The following DMGDH variants were observed in gnomAD, a reference collection of about 807,000 sequenced individuals.
The protein encoded by DMGDH is dimethylglycine dehydrogenase, mitochondrial.
In DMGDH, 76 loss-of-function variants were observed where a neutral mutation model predicts 95.2. The observed-to-expected ratio is 0.80, with a 90% CI of 0.66 to 0.97. The LOEUF is 0.97. DMGDH is among the 50% of genes least tolerant of loss of function. The pLI, the probability that DMGDH is intolerant of heterozygous loss-of-function variation, is 0.00. For synonymous variants in DMGDH, 345 were observed against 377.6 expected (o/e 0.91, Z 1.00); for missense variants, 987 against 1,055.0 (o/e 0.94, Z 0.89).
At chr5:79,020,914 G>A in intron 14 of DMGDH, 1 of 985,380 alleles carries the variant, frequency 1.0e-6, no homozygotes, top group Non-Finnish European at 1.2e-6. Flanking sequence ...TTTCCACCAT[G>A]AAAATTCCAG....
chr5:79,006,215 CAAAA>C (rs56141633), intron 14 of DMGDH, among the ~76,000 whole-genome samples: 2 of 127,792 alleles, frequency 1.6e-5, no homozygotes, highest in Non-Finnish European at 3.2e-5. Flanking sequence ...TTATGTGTTA[CAAAA>C]AAAAAAAAAA....
chr5:79,033,326 C>G lies in DMGDH; in HGVS notation c.1276G>C (p.Glu426Gln). The G allele has an allele frequency of 6.2e-7, 1 of 1,614,182 alleles. No individual in the cohort carries two copies. The highest frequency in any genetic ancestry group is 8.5e-7 in the Non-Finnish European group (1 of 1,180,038). The change falls in exon 8 of 16, where the codon GAA (glutamate) becomes CAA (glutamine). Residue 426 changes from glutamate to glutamine, a missense_variant. Physicochemically the swap from Glu to Gln is conservative, Grantham distance 29. Transcript: ENST00000255189. Reference sequence around the variant, plus strand: ...TTGCCATAGCGATTAGGATCCAATTCTATCAGATCAAAAGGAGGTTCTCCA... The same window carrying G: ...TTGCCATAGCGATTAGGATCCAATTGTATCAGATCAAAAGGAGGTTCTCCA... The part of the protein sequence containing the change: ...LHGEPPFDLI[E>Q]LDPNRYGKWT...
At chr5:79,052,509 A>G (rs990776291) in intron 4 of DMGDH, among the ~76,000 whole-genome samples, 5 of 152,174 alleles carry the variant, frequency 3.3e-5, no homozygotes, top group African/African-American at 9.7e-5. Flanking sequence ...GGGACTTTCT[A>G]TTTTAAGGGA....
intron 14 of DMGDH, chr5:79,021,393 C>T (rs1753863180): frequency 8.5e-7 from 1 of 1,175,770 alleles, no homozygotes; most frequent in African/African-American, 1.6e-5. Flanking sequence ...ATCAGCGGTA[C>T]TTAATAAATG....
chr5:79,066,373 C>T (rs1285311272), intron 1 of DMGDH, among the ~76,000 whole-genome samples: 5 of 152,098 alleles, frequency 3.3e-5, no homozygotes, highest in Non-Finnish European at 5.9e-5. Flanking sequence ...GCAAGCTCCA[C>T]CTCCCAGGTT....
At position 79,031,334 on chromosome 5, in the gene DMGDH, A is replaced by C. The variant is rs555334594; in HGVS notation, c.1518-336T>G. On this transcript the variant is annotated intron_variant, in intron 9 of 15. Coordinates refer to ENST00000255189, the MANE Select transcript of DMGDH (RefSeq NM_013391.3). The stretch of plus-strand genomic sequence containing the variant: ...TCTGGTGGTTTTCAACTCTAGACGC[A>C]TATTAGAATCATCTGGAGAGCATTT... Among the ~76,000 whole-genome samples the C allele has an allele frequency of 1.3e-4, 20 of 152,360 alleles. No individual in the cohort carries two copies. In the South Asian group the frequency reaches 4.1e-3, roughly 32 times the overall value.
At chr5:79,027,828 T>C (rs1754042116) in intron 12 of DMGDH, among the ~76,000 whole-genome samples, 1 of 147,368 alleles carries the variant, frequency 6.8e-6, no homozygotes, top group Admixed American at 6.7e-5. Context: ...GCCAATCCTC[T>C]TCCCCACTTT....
chr5:79,026,896 C>A (rs1015473818), intron 12 of DMGDH, among the ~76,000 whole-genome samples: 13 of 152,160 alleles, frequency 8.5e-5, no homozygotes, highest in African/African-American at 3.1e-4. Flanking sequence ...TGAGGCTTGA[C>A]TGTTTTCTGG....
intron 12 of DMGDH, among the ~76,000 whole-genome samples, chr5:79,027,847 T>C (rs1173688644): frequency 1.3e-5 from 2 of 151,404 alleles, no homozygotes; most frequent in Non-Finnish European, 3.0e-5. Flanking sequence ...TTTCTTTTTT[T>C]TTTTTTTTTT....
At chr5:79,055,765 C>T in intron 3 of DMGDH, 45 bp downstream of exon 3, 1 of 1,295,174 alleles carries the variant, frequency 7.7e-7, no homozygotes, top group Non-Finnish European at 1.1e-6. Flanking sequence ...TTACATGTTT[C>T]TGAGAAGCCG....
intron 12 of DMGDH, among the ~76,000 whole-genome samples, chr5:79,027,422 C>T (rs978282060): frequency 2.0e-5 from 3 of 152,156 alleles, no homozygotes; most frequent in African/African-American, 7.2e-5. Flanking sequence ...GGTCTTTAAT[C>T]TCTGTGTTCT....
intron 8 of DMGDH, 64 bp from the exon 9 acceptor site, chr5:79,032,904 AT>A (rs2112630131): frequency 6.3e-7 from 1 of 1,586,902 alleles, no homozygotes; most frequent in African/African-American, 1.3e-5. Flanking sequence ...CTTACATGGG[AT>A]TCCAAATATG....
chr5:79,021,286 AG>A, intron 14 of DMGDH: 2 of 1,079,598 alleles, frequency 1.9e-6, no homozygotes, highest in South Asian at 5.7e-5. Context: ...CTACAGCTTT[AG>A]TTCCTGAAAT....
At chr5:79,031,265 T>A (rs1754167754) in intron 9 of DMGDH, among the ~76,000 whole-genome samples, 1 of 152,206 alleles carries the variant, frequency 6.6e-6, no homozygotes, top group Non-Finnish European at 1.5e-5. Flanking sequence ...TAAGATATAA[T>A]TCATGGGCTC....
In DMGDH at chr5:78,997,830, G is replaced by A; in HGVS notation, c.*252C>T. 1 of 496,502 alleles carries A rather than the reference G, an allele frequency of 2.0e-6. No homozygotes were observed. The highest frequency in any genetic ancestry group is 3.6e-6 in the Non-Finnish European group (1 of 276,690). The allele number at this position is 496,502 out of a possible 1,614,324, so 30.8% of individuals were successfully genotyped here. ...AAACACCTAAATGTTTTACTGATTGGGTAATGTGGGGTAAATAAAAAAACA... is the reference window on the plus strand; with the variant it reads ...AAACACCTAAATGTTTTACTGATTGAGTAATGTGGGGTAAATAAAAAAACA... On this transcript the variant is annotated 3_prime_UTR_variant, in exon 16 of 16. Coordinates refer to ENST00000255189, the MANE Select transcript of DMGDH (RefSeq NM_013391.3).
chr5:79,056,229 G>A (rs1755028240), intron 2 of DMGDH, among the ~76,000 whole-genome samples: 1 of 152,184 alleles, frequency 6.6e-6, no homozygotes, highest in Admixed American at 6.5e-5. Flanking sequence ...TTAGGACTAT[G>A]TGCTATATAG....
intron 14 of DMGDH, among the ~76,000 whole-genome samples, chr5:79,006,780 G>A (rs1370541646): frequency 1.3e-5 from 2 of 151,784 alleles, no homozygotes; most frequent in African/African-American, 4.8e-5. Flanking sequence ...TTAGGACTGA[G>A]TGTAATAAAT....
At chr5:79,066,352 C>T (rs1282619956) in intron 1 of DMGDH, among the ~76,000 whole-genome samples, 2 of 151,972 alleles carry the variant, frequency 1.3e-5, no homozygotes, top group Admixed American at 1.3e-4. Flanking sequence ...GTGGCACGAT[C>T]TCGGCTCACT....
At chr5:79,059,462 T>TC (rs1475816474) in intron 2 of DMGDH, among the ~76,000 whole-genome samples, 1 of 152,356 alleles carries the variant, frequency 6.6e-6, no homozygotes, top group African/African-American at 2.4e-5. Context: ...GACTATGACA[T>TC]TTCATGTTCT....
Sources: gnomAD v4.1 joint callset for allele counts (sites outside exome capture counted in the v4.1 genomes callset) on GRCh38, gnomAD v4.1.1 for gene constraint, MANE v1.5 for transcripts, NCBI Gene and HGNC (gene_info 2026-07-23, HGNC 2026-07-21) for gene names.